RAB31: variants seen among roughly 807,000 people sequenced by gnomAD.
The protein encoded by RAB31 is RAB31, member RAS oncogene family, also known as ras-related protein Rab-31.
RAB31 carries 21 observed loss-of-function variants against 25.6 expected under a neutral mutation model. The ratio of observed to expected loss-of-function variants is 0.82; its 90% CI spans 0.58 to 1.18. RAB31 has a LOEUF of 1.18. RAB31 is among the 50% of genes most tolerant of loss of function. The probability of loss-of-function intolerance (pLI) is 0.00; values close to 1 mark genes in which losing one functional copy is unlikely to be tolerated. For missense variants in RAB31, 196 were observed against 250.1 expected, an observed-to-expected ratio of 0.78 and a Z score of 1.46; for synonymous variants, 87 against 84.0, an observed-to-expected ratio of 1.04 and a Z score of -0.20.
rs1322632288 is a variant in RAB31, at chr18:9,732,997, C to T, written c.39+24553C>T. Among the ~76,000 whole-genome samples the T allele has an allele frequency of 2.0e-5, 3 of 152,202 alleles. 1 individual carries two copies. The highest frequency in any genetic ancestry group is 2.0e-4 in the Admixed American group (3 of 15,282). ...AGGGAAGCAATGGTGATGAGCTGAGCTTTCACCAGGTGGCACCTGGCTCTG... is the reference window on the plus strand; with the variant it reads ...AGGGAAGCAATGGTGATGAGCTGAGTTTTCACCAGGTGGCACCTGGCTCTG... On this transcript the variant is annotated intron_variant, in intron 1 of 6. Transcript: ENST00000578921.
chr18:9,811,132 C>T (rs910066580), intron 3 of RAB31, among the ~76,000 whole-genome samples: 3 of 152,182 alleles, frequency 2.0e-5, no homozygotes, highest in South Asian at 2.1e-4. Context: ...TCCCCAAGTG[C>T]GTTCTGGAAT....
chr18:9,715,360 C>A (rs1406444788), intron 1 of RAB31, among the ~76,000 whole-genome samples: 3 of 151,992 alleles, frequency 2.0e-5, no homozygotes, highest in African/African-American at 7.2e-5. Flanking sequence ...ATTGACACCC[C>A]CTACTCCCTG....
chr18:9,714,132 C>T lies in RAB31; in HGVS notation c.39+5688C>T, dbSNP rs1266510363. Among the ~76,000 whole-genome samples the T allele has an allele frequency of 5.9e-5, 9 of 152,244 alleles. No homozygotes were observed. The East Asian group carries it at 1.5e-3, about 26-fold the overall frequency. ...AGTGAGTGTGATATATCCTTTAGGT[C>T]TGCTCTAAGGCCACAGCCATGAGAA... is the stretch of plus-strand genomic sequence containing the variant. On this transcript the variant is annotated intron_variant, in intron 1 of 6. Coordinates refer to ENST00000578921, the MANE Select transcript of RAB31 (RefSeq NM_006868.4).
chr18:9,750,899 C>T (rs960626212), intron 1 of RAB31, among the ~76,000 whole-genome samples: 5 of 152,162 alleles, frequency 3.3e-5, no homozygotes, highest in Admixed American at 3.3e-4. Flanking sequence ...GGGCAATGTA[C>T]TGTTGCTCCC....
chr18:9,816,362 T>C (rs1183174911), intron 5 of RAB31, among the ~76,000 whole-genome samples: 2 of 152,256 alleles, frequency 1.3e-5, no homozygotes, highest in African/African-American at 4.8e-5. Context: ...GTTACATCCC[T>C]GACTCTACAT....
At chr18:9,822,311 G>A (rs982483546) in intron 5 of RAB31, among the ~76,000 whole-genome samples, 1 of 152,066 alleles carries the variant, frequency 6.6e-6, no homozygotes, top group African/African-American at 2.4e-5. Context: ...AGTCTAAAAT[G>A]AATCACAGGC....
At chr18:9,769,429 T>A (rs1308529092) in intron 1 of RAB31, among the ~76,000 whole-genome samples, 5 of 152,194 alleles carry the variant, frequency 3.3e-5, no homozygotes, top group African/African-American at 1.2e-4. Flanking sequence ...TAAGTTGTAT[T>A]TCTAGGCATT....
At chr18:9,847,145 CAT>C (rs2068766089) in intron 6 of RAB31, among the ~76,000 whole-genome samples, 1 of 152,214 alleles carries the variant, frequency 6.6e-6, no homozygotes, top group Admixed American at 6.5e-5. Context: ...CTCTGGGTGA[CAT>C]CTAAGTTTGG....
chr18:9,821,108 G>A (rs561349829), intron 5 of RAB31, among the ~76,000 whole-genome samples: 12 of 151,968 alleles, frequency 7.9e-5, no homozygotes, highest in East Asian at 1.9e-4. Flanking sequence ...TTTCTAATTC[G>A]TGTTCTAACC....
At chr18:9,802,722 T>C (rs951260576) in intron 3 of RAB31, among the ~76,000 whole-genome samples, 5 of 152,250 alleles carry the variant, frequency 3.3e-5, no homozygotes, top group Admixed American at 6.5e-5. Flanking sequence ...TTGGAGATCA[T>C]GTGCCCAGAG....
At chr18:9,789,923 G>T (rs1321337576) in intron 2 of RAB31, among the ~76,000 whole-genome samples, 1 of 152,130 alleles carries the variant, frequency 6.6e-6, no homozygotes, top group Non-Finnish European at 1.5e-5. Context: ...TGGTTTTTGT[G>T]GGGATAGTGT....
rs905745401 is a variant in RAB31 at position 9,861,789 on chromosome 18, G to A, written c.*2464G>A. 1.3e-5 allele frequency: 2 copies of A among 151,610 alleles called. No individual in the cohort carries two copies. The highest frequency in any genetic ancestry group is 6.6e-5 in the Admixed American group (1 of 15,234). The allele number at this position is 151,610 out of a possible 1,614,324, so 9.4% of individuals were successfully genotyped here. On this transcript the variant is annotated 3_prime_UTR_variant, in exon 7 of 7. Transcript: ENST00000578921. ...GTGTGTGGCATGAGTGTGTATCTGT[G>A]TAAATATGATTGTATATGTGTTACT...
At position 9,712,589 on chromosome 18, in the gene RAB31, A is replaced by G. The variant is rs191034874; in HGVS notation, c.39+4145A>G. ...CTGAGGCAGCAGCTGCTTCAACCCC[A>G]AAGGTGGAAAAGTTTCCCAGTATGC... is the stretch of plus-strand genomic sequence containing the variant. On this transcript the variant is annotated intron_variant, in intron 1 of 6. Coordinates refer to ENST00000578921, the MANE Select transcript of RAB31 (RefSeq NM_006868.4). Among the ~76,000 whole-genome samples, 1,145 of 152,358 alleles carry G rather than the reference A, an allele frequency of 7.5e-3. 17 individuals carry two copies. The highest frequency in any genetic ancestry group is 0.026 in the African/African-American group (1,066 of 41,576).
intron 6 of RAB31, among the ~76,000 whole-genome samples, chr18:9,854,202 C>T (rs1402664753): frequency 6.6e-6 from 1 of 152,008 alleles, no homozygotes; most frequent in East Asian, 1.9e-4. Flanking sequence ...TTGTTCAACT[C>T]CCACTTATGA....
intron 1 of RAB31, among the ~76,000 whole-genome samples, chr18:9,742,261 G>C (rs1005536164): frequency 3.3e-5 from 5 of 152,166 alleles, no homozygotes; most frequent in Admixed American, 2.0e-4. Flanking sequence ...CAAGGGTTTC[G>C]AGGACTTCAA....
At chr18:9,748,815 C>CG (rs1310862530) in intron 1 of RAB31, among the ~76,000 whole-genome samples, 1 of 151,616 alleles carries the variant, frequency 6.6e-6, no homozygotes, top group Non-Finnish European at 1.5e-5. Context: ...CACTTGAACC[C>CG]GGGAGGTGGA....
intron 5 of RAB31, among the ~76,000 whole-genome samples, chr18:9,840,356 A>G (rs1195517497): frequency 1.3e-5 from 2 of 152,188 alleles, no homozygotes; most frequent in Non-Finnish European, 2.9e-5. Context: ...TGCCCAGCAT[A>G]TAGTAAACCC....
chr18:9,733,178 C>T (rs2068132170), intron 1 of RAB31, among the ~76,000 whole-genome samples: 1 of 152,066 alleles, frequency 6.6e-6, no homozygotes, highest in African/African-American at 2.4e-5. Flanking sequence ...GGAGCTAATC[C>T]AGAAATTGCT....
chr18:9,857,686 T>TAGATGATAGATA (rs1555693032), intron 6 of RAB31, among the ~76,000 whole-genome samples: 338 of 114,110 alleles, frequency 3.0e-3, no homozygotes, highest in Middle Eastern at 0.018. Flanking sequence ...GATAGATAGA[T>TAGATGATAGATA]GATAGATAGA....
Sources: gnomAD v4.1 joint callset for allele counts (sites outside exome capture counted in the v4.1 genomes callset) on GRCh38, gnomAD v4.1.1 for gene constraint, MANE v1.5 for transcripts, NCBI Gene and HGNC (gene_info 2026-07-23, HGNC 2026-07-21) for gene names.